Variants in KDM4C observed in about 807,000 individuals in gnomAD.
The protein encoded by KDM4C is lysine-specific demethylase 4C.
A neutral mutation model predicts 129.3 loss-of-function variants in KDM4C; 81 were observed. The ratio of observed to expected loss-of-function variants is 0.63; its 90% CI spans 0.52 to 0.75. The LOEUF (loss-of-function observed/expected upper bound fraction) is 0.75, where lower values mean the gene tolerates loss of function less well. Among genes scored for constraint, KDM4C ranks in the 30% least tolerant of loss-of-function variants. The pLI, the probability that KDM4C is intolerant of heterozygous loss-of-function variation, is 0.00. For missense variants in KDM4C, 1,457 were observed against 1,304.0 expected (o/e 1.12, Z -1.81); for synonymous variants, 573 against 456.1 (o/e 1.26, Z -3.26).
intron 8 of KDM4C, among the ~76,000 whole-genome samples, chr9:6,934,353 C>G (rs77217122): frequency 0.25 from 38,296 of 150,716 alleles, 5,297 homozygotes; most frequent in South Asian, 0.39. Flanking sequence ...TGCTGGCGGT[C>G]CCTGTAGTCC....
At chr9:6,903,290 T>C (rs1220417488) in intron 8 of KDM4C, among the ~76,000 whole-genome samples, 1 of 152,240 alleles carries the variant, frequency 6.6e-6, no homozygotes, top group Non-Finnish European at 1.5e-5. Context: ...TGAAATAGCA[T>C]GAAAACTTGT....
chr9:6,904,896 A>G (rs1360114048), intron 8 of KDM4C, among the ~76,000 whole-genome samples: 2 of 151,722 alleles, frequency 1.3e-5, no homozygotes, highest in Non-Finnish European at 2.9e-5. Context: ...AACACAAAAG[A>G]AAAAAAAACC....
intron 18 of KDM4C, among the ~76,000 whole-genome samples, chr9:7,108,725 T>A (rs1564128344): frequency 6.6e-6 from 1 of 152,160 alleles, no homozygotes; most frequent in Non-Finnish European, 1.5e-5. Flanking sequence ...CTTGGGGTGA[T>A]GATGGAATGG....
At chr9:7,095,457 A>G (rs1327939574) in intron 17 of KDM4C, among the ~76,000 whole-genome samples, 2 of 151,976 alleles carry the variant, frequency 1.3e-5, no homozygotes, top group African/African-American at 4.8e-5. Context: ...AATGTGTACT[A>G]GTCCTTGCTT....
At chr9:7,128,353 A>T (rs1463696746) in intron 19 of KDM4C, 117 bp downstream of exon 19, 1 of 664,454 alleles carries the variant, frequency 1.5e-6, no homozygotes, top group East Asian at 3.2e-5. Context: ...CACTTGGTTC[A>T]TAGACTTTAT....
At chr9:6,874,994 C>G (rs903073826) in intron 5 of KDM4C, among the ~76,000 whole-genome samples, 1 of 151,272 alleles carries the variant, frequency 6.6e-6, no homozygotes, top group Non-Finnish European at 1.5e-5. Context: ...GGGAGTTTGA[C>G]TGAAGTAGAC....
At chr9:6,927,129 ATCTATCT>A (rs900432897) in intron 8 of KDM4C, among the ~76,000 whole-genome samples, 3 of 151,176 alleles carry the variant, frequency 2.0e-5, no homozygotes, top group Non-Finnish European at 4.4e-5. Flanking sequence ...CTATCTATCT[ATCTATCT>A]ATCTGTTTTT....
chr9:7,016,261 G>A (rs1311945777), intron 15 of KDM4C, among the ~76,000 whole-genome samples: 1 of 151,810 alleles, frequency 6.6e-6, no homozygotes, highest in Non-Finnish European at 1.5e-5. Context: ...CCAAGTAGCT[G>A]GGACTACAGG....
At chr9:7,013,360 A>G (rs539252767) in intron 13 of KDM4C, among the ~76,000 whole-genome samples, 112 of 152,268 alleles carry the variant, frequency 7.4e-4, no homozygotes, top group African/African-American at 2.6e-3. Flanking sequence ...TGAGGCAAAA[A>G]TTCTTAAAGC....
At chr9:6,945,948 T>G (rs1826883974) in intron 8 of KDM4C, among the ~76,000 whole-genome samples, 1 of 152,154 alleles carries the variant, frequency 6.6e-6, no homozygotes, top group Non-Finnish European at 1.5e-5. Context: ...CAGATGTCTT[T>G]TCTATTGGTA....
intron 5 of KDM4C, among the ~76,000 whole-genome samples, chr9:6,859,677 A>G (rs1391326290): frequency 1.3e-5 from 2 of 151,412 alleles, no homozygotes; most frequent in African/African-American, 2.4e-5. Context: ...CCTGGGTAAC[A>G]TGGTGAAACC....
intron 8 of KDM4C, among the ~76,000 whole-genome samples, chr9:6,926,065 T>C (rs1446376898): frequency 6.6e-6 from 1 of 152,076 alleles, no homozygotes; most frequent in Non-Finnish European, 1.5e-5. Context: ...GTCAGTGAAC[T>C]CAGTTAAGAA....
chr9:6,897,608 G>C (rs751219215), intron 8 of KDM4C, among the ~76,000 whole-genome samples: 1 of 152,184 alleles, frequency 6.6e-6, no homozygotes, highest in Admixed American at 6.5e-5. Context: ...ATTTGCTGCT[G>C]ATGGGCAGAG....
intron 17 of KDM4C, among the ~76,000 whole-genome samples, chr9:7,066,066 T>C (rs1449511872): frequency 1.3e-5 from 2 of 152,014 alleles, no homozygotes; most frequent in African/African-American, 2.4e-5. Context: ...ATTTGAAATA[T>C]AATAAAATCA....
At chr9:7,173,255 A>C (rs766783996) in intron 21 of KDM4C, among the ~76,000 whole-genome samples, 23 of 152,230 alleles carry the variant, frequency 1.5e-4, no homozygotes, top group Non-Finnish European at 2.4e-4. Flanking sequence ...AGACAGTAGA[A>C]TAGAATAACT....
intron 4 of KDM4C, among the ~76,000 whole-genome samples, chr9:6,824,994 A>G (rs573061889): frequency 6.6e-6 from 1 of 152,074 alleles, no homozygotes; most frequent in Admixed American, 6.5e-5. Context: ...AAATACAAAA[A>G]AATTAGCCGG....
chr9:7,071,190 C>G (rs1431496117), intron 17 of KDM4C, among the ~76,000 whole-genome samples: 1 of 152,124 alleles, frequency 6.6e-6, no homozygotes, highest in Non-Finnish European at 1.5e-5. Context: ...GAAAGTTACA[C>G]CTGATTGGAA....
chr9:6,814,789 T>G, intron 4 of KDM4C, 44 bp downstream of exon 4: 1 of 1,256,620 alleles, frequency 8.0e-7, no homozygotes, highest in Non-Finnish European at 1.1e-6. Context: ...TCATTGGATG[T>G]GACAGTTTTG....
At chr9:6,795,479 G>A (rs1317898012) in intron 2 of KDM4C, among the ~76,000 whole-genome samples, 1 of 152,108 alleles carries the variant, frequency 6.6e-6, no homozygotes, top group Non-Finnish European at 1.5e-5. Flanking sequence ...TTACAGGCAT[G>A]TACCACCATG....
Sources: allele counts gnomAD v4.1 joint callset (sites outside exome capture counted in the v4.1 genomes callset), GRCh38; gene constraint gnomAD v4.1.1; transcripts MANE v1.5; gene names NCBI Gene and HGNC (gene_info 2026-07-23, HGNC 2026-07-21).